Variants in SCYL1 observed in about 807,000 individuals in gnomAD.
SCYL1 encodes N-terminal kinase-like protein.
A neutral mutation model predicts 94.8 loss-of-function variants in SCYL1; 85 were observed. That is an observed-to-expected ratio of 0.90 (90% confidence interval 0.75 to 1.07). SCYL1 has a LOEUF of 1.07. Among genes scored for constraint, SCYL1 ranks in the 50% least tolerant of loss-of-function variants. The pLI, the probability that SCYL1 is intolerant of heterozygous loss-of-function variation, is 0.00. For synonymous variants in SCYL1, 459 were observed against 435.5 expected (o/e 1.05, Z -0.67); for missense variants, 968 against 1,083.3 (o/e 0.89, Z 1.49).
In SCYL1 at chr11:65,526,666, C is replaced by T. The variant is rs898098620; in HGVS notation, c.603-117C>T. ...GAAACCTGCCTCTTGGGACTGATGG[C>T]TCAGCTGAGGGACATAGCCAGGCCC... On this transcript the variant is annotated intron_variant, in intron 4 of 17. Coordinates refer to ENST00000270176, the MANE Select transcript of SCYL1 (RefSeq NM_020680.4). The surrounding 1 kb of genome is among the most constrained non-coding windows in gnomAD (Gnocchi z 4.1). 60 of 977,716 alleles carry T rather than the reference C, an allele frequency of 6.1e-5. No homozygotes were observed. The highest frequency in any genetic ancestry group is 1.6e-4 in the African/African-American group (10 of 61,464). The allele number at this position is 977,716 out of a possible 1,614,324, so 60.6% of individuals were successfully genotyped here.
chr11:65,538,318 G>C lies in SCYL1; in HGVS notation c.2296G>C (p.Asp766His), dbSNP rs1385077846. 1 of 1,549,550 alleles carries C rather than the reference G, an allele frequency of 6.5e-7. No individual in the cohort carries two copies. Among genetic ancestry groups the C allele is most frequent in the Non-Finnish European group, 8.7e-7 (1 of 1,146,136 alleles). ...GGACAACTGGGAGGGCCTCGAGACT[G>C]ACAGTCGTAAGTGCTTCCCCTGGGT... ...GEDNWEGLET[D>H]SRQVKAELAR... Residue 766 changes from aspartate (D) to histidine (H), a missense_variant, in exon 17 of 18, where the codon GAC becomes CAC. Physicochemically the swap from Asp to His is moderately conservative, Grantham distance 81. Around this residue, in one of 2 missense-constraint regions of SCYL1, gnomAD observed 474 missense variants for 463.6 expected, o/e 1.02. Coordinates refer to ENST00000270176, the MANE Select transcript of SCYL1 (RefSeq NM_020680.4).
In SCYL1 at chr11:65,533,745, A is replaced by T. The variant is rs190226720; in HGVS notation, c.1230+940A>T. On this transcript the variant is annotated intron_variant, in intron 9 of 17. Transcript: ENST00000270176. ...CATTGAGCTGTGATCGTGACACTGC[A>T]TTCCAGCCTGGGCAACAGAGTGAGA... is the stretch of plus-strand genomic sequence containing the variant. Among the ~76,000 whole-genome samples the T allele has an allele frequency of 3.0e-4, 46 of 152,190 alleles. 1 individual carries two copies. Among genetic ancestry groups the T allele is most frequent in the Admixed American group, 2.6e-3 (40 of 15,282 alleles).
In SCYL1 at chr11:65,526,742, G is replaced by A. The variant is rs369074734; in HGVS notation, c.603-41G>A. ...CAAGGCAGGCTGGAGGCCTGTGCAG[G>A]TGGTTGGTGGGGCCCTAAGAGCTCT... On this transcript the variant is annotated intron_variant, in intron 4 of 17. Transcript: ENST00000270176. This position sits in a 1 kb window ranked among gnomAD's most constrained non-coding sequence, Gnocchi z 4.1. The A allele has an allele frequency of 2.0e-5, 31 of 1,587,034 alleles. No homozygotes were observed. The African/African-American group carries it at 3.2e-4, about 17-fold the overall frequency.
intron 9 of SCYL1, 23 bp from the exon 10 acceptor site, chr11:65,535,204 T>C: frequency 6.2e-7 from 1 of 1,610,382 alleles, no homozygotes; most frequent in Non-Finnish European, 8.5e-7. Context: ...AGCCCACAGT[T>C]CCCACTCATT....
chr11:65,527,313 G>A (rs1226544943), intron 6 of SCYL1, among the ~76,000 whole-genome samples, 196 bp downstream of exon 6: 1 of 152,090 alleles, frequency 6.6e-6, no homozygotes, highest in African/African-American at 2.4e-5. Context: ...CCCAATAATA[G>A]TACAGGTTGA....
In SCYL1 at chr11:65,526,049, G is replaced by A. The variant is rs1374359564; in HGVS notation, c.375+6G>A. On this transcript the variant is annotated splice_donor_region_variant and intron_variant, in intron 3 of 17. Coordinates refer to ENST00000270176, the MANE Select transcript of SCYL1 (RefSeq NM_020680.4). The surrounding 1 kb of genome is among the most constrained non-coding windows in gnomAD (Gnocchi z 4.1). ...GGGGGCTACACCAGATCGTGGTGAG[G>A]TGGGGGGCAGTGGTGATGAGAGCAG... The A allele has an allele frequency of 1.1e-5, 17 of 1,612,636 alleles. No homozygotes were observed. Among genetic ancestry groups the A allele is most frequent in the Non-Finnish European group, 1.4e-5 (17 of 1,179,762 alleles).
intron 9 of SCYL1, among the ~76,000 whole-genome samples, chr11:65,533,967 C>T (rs1855520156): frequency 6.6e-6 from 1 of 152,120 alleles, no homozygotes; most frequent in Admixed American, 6.6e-5. Flanking sequence ...CGGTTGCTCA[C>T]ACCTGTAATC....
In SCYL1 at chr11:65,536,003, G is replaced by C. The variant is rs776178711; in HGVS notation, c.1437G>C (p.Pro479=). 2 of 1,613,464 alleles carry C rather than the reference G, an allele frequency of 1.2e-6. No individual in the cohort carries two copies. The highest frequency in any genetic ancestry group is 2.2e-5 in the South Asian group (2 of 91,012). The change falls in exon 11 of 18, where the codon CCG becomes CCC. Residue 479 remains proline (P), a synonymous_variant. Coordinates refer to ENST00000270176, the MANE Select transcript of SCYL1 (RefSeq NM_020680.4). ...TSAFSRATRD[P]FAPSRVAGVL... ...CCTTCAGCCGAGCCACTAGGGACCCGTTTGCACCGTCCCGGGTTGCGGGTG... is the reference window on the plus strand; with the variant it reads ...CCTTCAGCCGAGCCACTAGGGACCCCTTTGCACCGTCCCGGGTTGCGGGTG...
intron 6 of SCYL1, among the ~76,000 whole-genome samples, chr11:65,529,309 G>A (rs755279105): frequency 2.6e-5 from 4 of 152,172 alleles, no homozygotes; most frequent in Non-Finnish European, 5.9e-5. Flanking sequence ...TTGTTACGTG[G>A]AGTTCTCCTC....
intron 2 of SCYL1, 56 bp from the exon 3 acceptor site, chr11:65,525,865 A>G: frequency 6.3e-7 from 1 of 1,591,066 alleles, no homozygotes; most frequent in Non-Finnish European, 8.6e-7. Flanking sequence ...CAAGTCGCTT[A>G]TCTCTCCTTC....
chr11:65,526,583 G>A lies in SCYL1; in HGVS notation c.603-200G>A, dbSNP rs191575573. On this transcript the variant is annotated intron_variant, in intron 4 of 17. Coordinates refer to ENST00000270176, the MANE Select transcript of SCYL1 (RefSeq NM_020680.4). The surrounding 1 kb of genome is among the most constrained non-coding windows in gnomAD (Gnocchi z 4.1). The stretch of plus-strand genomic sequence containing the variant: ...CTGAACTTGAAAGCTCTGTGACCTG[G>A]ACAGATGTGCCTAGTTCTCTGAGGC... 1.8e-4 allele frequency among the ~76,000 whole-genome samples: 28 copies of A among 152,304 alleles called. No homozygotes were observed. Among genetic ancestry groups the A allele is most frequent in the Non-Finnish European group, 5.9e-5 (4 of 68,018 alleles).
In SCYL1 at chr11:65,531,556, C is replaced by G; in HGVS notation, c.1009-20C>G. 6.3e-7 allele frequency: 1 copy of G among 1,581,654 alleles called. No individual in the cohort carries two copies. On this transcript the variant is annotated intron_variant, in intron 7 of 17. Coordinates refer to ENST00000270176, the MANE Select transcript of SCYL1 (RefSeq NM_020680.4). ...AGCCCATTCCTGTGAGCAGCTGAAC[C>G]CATCTTCCTGCCCTTTCAGGTGGGC...
chr11:65,531,569 C>A lies in SCYL1; in HGVS notation c.1009-7C>A. 1 of 1,610,670 alleles carries A rather than the reference C, an allele frequency of 6.2e-7. No homozygotes were observed. The highest frequency in any genetic ancestry group is 8.5e-7 in the Non-Finnish European group (1 of 1,176,902). ...GAGCAGCTGAACCCATCTTCCTGCC[C>A]TTTCAGGTGGGCAAGTTCCTGAGCG... On this transcript the variant is annotated splice_region_variant and splice_polypyrimidine_tract_variant and intron_variant, in intron 7 of 17. Transcript: ENST00000270176.
intron 9 of SCYL1, among the ~76,000 whole-genome samples, chr11:65,533,657 A>G (rs761153690): frequency 8.2e-5 from 12 of 146,952 alleles, no homozygotes; most frequent in Non-Finnish European, 1.7e-4. Context: ...ATGCACGCCT[A>G]TAGTCCCAGC....
chr11:65,532,506 G>A (rs899772578), intron 8 of SCYL1, among the ~76,000 whole-genome samples, 186 bp from the exon 9 acceptor site: 5 of 151,766 alleles, frequency 3.3e-5, no homozygotes, highest in African/African-American at 1.2e-4. Flanking sequence ...CCTTCCTAGC[G>A]CCCTCCTGGC....
In SCYL1 at chr11:65,536,253, C is replaced by T; in HGVS notation, c.1576-6C>T. ...GAGACCCCAGCTCTGCCTCGTTACC[C>T]CACAGGCCTTCAAGGCCATTCGGAG... On this transcript the variant is annotated splice_region_variant and splice_polypyrimidine_tract_variant and intron_variant, in intron 11 of 17. Transcript: ENST00000270176. The T allele has an allele frequency of 6.2e-7, 1 of 1,613,706 alleles. No individual in the cohort carries two copies. The highest frequency in any genetic ancestry group is 1.1e-5 in the South Asian group (1 of 91,068).
chr11:65,538,227 A>G (rs1179268310), intron 16 of SCYL1, 43 bp from the exon 17 acceptor site: 6 of 1,556,264 alleles, frequency 3.9e-6, no homozygotes, highest in Admixed American at 1.9e-5. Context: ...GGTGGACCTC[A>G]GCCAGAAGTG....
intron 13 of SCYL1, 75 bp from the exon 14 acceptor site, chr11:65,536,911 G>C (rs940991885): frequency 3.0e-5 from 35 of 1,186,216 alleles, no homozygotes; most frequent in Middle Eastern, 2.1e-4. Context: ...CTTCCCCCCA[G>C]TAGCCCCCTT....
chr11:65,525,283 C>A lies in SCYL1; in HGVS notation c.111+19C>A, dbSNP rs1198579041. ...CAAGAAGGTGAGTGCGGCCGAGCTC[C>A]GTAGGCCGCGGTCGACCTGGGCCTT... On this transcript the variant is annotated intron_variant, in intron 1 of 17. Coordinates refer to ENST00000270176, the MANE Select transcript of SCYL1 (RefSeq NM_020680.4). 33 of 1,399,244 alleles carry A rather than the reference C, an allele frequency of 2.4e-5. No homozygotes were observed. Among genetic ancestry groups the A allele is most frequent in the Non-Finnish European group, 2.9e-5 (31 of 1,066,402 alleles). 86.7% of individuals were successfully genotyped at this position (1,399,244 alleles called of 1,614,324 possible).
Sources: gnomAD v4.1 joint callset for allele counts (sites outside exome capture counted in the v4.1 genomes callset) on GRCh38, gnomAD v4.1.1 for gene constraint, gnomAD v4.1.1 regional missense constraint, Gnocchi (gnomAD v3.1) non-coding constraint, MANE v1.5 for transcripts, NCBI Gene and HGNC (gene_info 2026-07-23, HGNC 2026-07-21) for gene names.